Variants in SCN8A observed in about 807,000 individuals in gnomAD.
SCN8A encodes sodium channel protein type 8 subunit alpha.
In SCN8A, 30 loss-of-function variants were observed where a neutral mutation model predicts 184.1. The ratio of observed to expected loss-of-function variants is 0.16; its 90% CI spans 0.12 to 0.22. The LOEUF (loss-of-function observed/expected upper bound fraction) is 0.22. Ranked by LOEUF, SCN8A falls within the 10% of genes least tolerant of loss-of-function variation. The probability of loss-of-function intolerance (pLI) is 1.00; values close to 1 mark genes in which losing one functional copy is unlikely to be tolerated. For synonymous variants in SCN8A, 852 were observed against 907.0 expected, an observed-to-expected ratio of 0.94 and a Z score of 1.09; for missense variants, 1,057 against 2,498.9, an observed-to-expected ratio of 0.42 and a Z score of 12.30.
At position 51,663,054 on chromosome 12, in the gene SCN8A, T is replaced by C; in HGVS notation, c.237T>C (p.Val79=). The C allele has an allele frequency of 6.2e-7, 1 of 1,614,006 alleles. No homozygotes were observed. Among genetic ancestry groups the C allele is most frequent in the Non-Finnish European group, 8.5e-7 (1 of 1,179,878 alleles). Residue 79 remains valine (V), a synonymous_variant, in exon 2 of 27, where the codon GTT becomes GTC. Transcript: ENST00000627620. ...YGDIPQGLVA[V]PLEDFDPYYL... is the part of the protein sequence containing the mutation. ...ACATCCCCCAAGGCCTGGTTGCAGTTCCCCTGGAGGACTTTGACCCATACT... is the reference window on the plus strand; with the variant it reads ...ACATCCCCCAAGGCCTGGTTGCAGTCCCCCTGGAGGACTTTGACCCATACT...
intron 1 of SCN8A, among the ~76,000 whole-genome samples, chr12:51,602,924 A>G (rs1361587924): frequency 1.3e-5 from 2 of 152,212 alleles, no homozygotes; most frequent in East Asian, 1.9e-4. Flanking sequence ...TGAATGGCAA[A>G]TATTATTTTC....
intron 7 of SCN8A, among the ~76,000 whole-genome samples, chr12:51,700,318 G>A (rs989113589): frequency 5.3e-5 from 8 of 152,004 alleles, no homozygotes; most frequent in African/African-American, 1.7e-4. Flanking sequence ...TCCCTTTTTC[G>A]CATGTACCCC....
chr12:51,606,617 C>T (rs541650911), intron 1 of SCN8A, among the ~76,000 whole-genome samples: 148 of 151,904 alleles, frequency 9.7e-4, no homozygotes, highest in Non-Finnish European at 1.6e-3. Flanking sequence ...TTTCTAATTC[C>T]GAGAAGAGTG....
rs995330963 is a variant in SCN8A, at chr12:51,812,622, C to CA, written c.*5194dup. 6.6e-6 allele frequency: 1 copy of CA among 152,220 alleles called. No individual in the cohort carries two copies. Among genetic ancestry groups the CA allele is most frequent in the East Asian group, 1.9e-4 (1 of 5,194 alleles). 9.4% of individuals were successfully genotyped at this position (152,220 alleles called of 1,614,324 possible). A position where few individuals can be genotyped will look rare whatever the true frequency, so the allele number is the denominator to read the frequency against. ...CAGGTCGAGAAAATGTCTTTCCTTT[C>CA]ACTTGCTTCTGGGGTTTGTGATTAT... is the stretch of plus-strand genomic sequence containing the variant. On this transcript the variant is annotated 3_prime_UTR_variant, in exon 27 of 27. Transcript: ENST00000627620.
chr12:51,674,000 G>A (rs1442273054), intron 2 of SCN8A, among the ~76,000 whole-genome samples: 1 of 152,146 alleles, frequency 6.6e-6, no homozygotes, highest in Non-Finnish European at 1.5e-5. Flanking sequence ...GAGTAGTTCA[G>A]GTGTGAGGAA....
chr12:51,681,029 A>G (rs1337723789), intron 2 of SCN8A, among the ~76,000 whole-genome samples: 1 of 152,096 alleles, frequency 6.6e-6, no homozygotes, highest in Admixed American at 6.5e-5. Flanking sequence ...AATAATAAAT[A>G]AAAAATAAAA....
At position 51,774,349 on chromosome 12, in the gene SCN8A, T is replaced by C; in HGVS notation, c.3806T>C (p.Phe1269Ser). The C allele has an allele frequency of 6.2e-7, 1 of 1,610,702 alleles. No individual in the cohort carries two copies. The highest frequency in any genetic ancestry group is 8.5e-7 in the Non-Finnish European group (1 of 1,177,990). The change falls in exon 20 of 27, where the codon TTC (phenylalanine) becomes TCC (serine). Residue 1269 changes from phenylalanine (F) to serine (S), a missense_variant. Coordinates refer to ENST00000627620, the MANE Select transcript of SCN8A (RefSeq NM_001330260.2). The part of the protein sequence containing the change: ...FFTNAWCWLD[F>S]LIVAVSLVSL... ...ACCAATGCCTGGTGTTGGCTGGACTTCCTCATTGTGGCTGTAGGTGTCTTG... is the reference window on the plus strand; with the variant it reads ...ACCAATGCCTGGTGTTGGCTGGACTCCCTCATTGTGGCTGTAGGTGTCTTG...
rs1238386800 is a variant in SCN8A, at chr12:51,810,432, G to A, written c.*3003G>A. The A allele has an allele frequency of 2.2e-6, 1 of 452,986 alleles. No homozygotes were observed. Among genetic ancestry groups the A allele is most frequent in the Non-Finnish European group, 4.4e-6 (1 of 225,784 alleles). 28.1% of individuals were successfully genotyped at this position (452,986 alleles called of 1,614,324 possible). On this transcript the variant is annotated 3_prime_UTR_variant, in exon 27 of 27. Coordinates refer to ENST00000627620, the MANE Select transcript of SCN8A (RefSeq NM_001330260.2). ...TGAAAGAATCAGTGATGACGTTTTT[G>A]TGCATCTTCGCTGAGTGGGTAAGTG...
intron 19 of SCN8A, among the ~76,000 whole-genome samples, chr12:51,772,760 C>T (rs1355005990): frequency 6.7e-6 from 1 of 149,210 alleles, no homozygotes; most frequent in African/African-American, 2.5e-5. Context: ...GCGGGCGAAT[C>T]ACGAAGTCAG....
intron 19 of SCN8A, among the ~76,000 whole-genome samples, chr12:51,773,351 A>G (rs181731623): frequency 1.3e-5 from 2 of 152,322 alleles, no homozygotes; most frequent in East Asian, 3.9e-4. Flanking sequence ...GAATGCTCAC[A>G]CCACCATATA....
chr12:51,667,048 T>C (rs1479229005), intron 2 of SCN8A, among the ~76,000 whole-genome samples: 1 of 152,230 alleles, frequency 6.6e-6, no homozygotes, highest in African/African-American at 2.4e-5. Context: ...AGCTGTTTGC[T>C]ACAAATAATT....
intron 20 of SCN8A, chr12:51,780,420 C>T: frequency 2.4e-6 from 1 of 413,520 alleles, no homozygotes; most frequent in Admixed American, 4.0e-5. Flanking sequence ...TTTTCTTCTG[C>T]CTCTCAACCA....
chr12:51,780,850 A>C (rs1937896363), intron 21 of SCN8A, 79 bp downstream of exon 21: 1 of 1,375,160 alleles, frequency 7.3e-7, no homozygotes, highest in African/African-American at 1.5e-5. Context: ...CACATGGTGG[A>C]AAGATCATTC....
intron 13 of SCN8A, among the ~76,000 whole-genome samples, chr12:51,748,567 G>A (rs1942549174): frequency 6.6e-6 from 1 of 152,160 alleles, no homozygotes. Flanking sequence ...GGTGAAGTAA[G>A]AAAGAGGAAG....
At chr12:51,750,453 AAGGAGACAGG>A (rs1329169343) in intron 13 of SCN8A, among the ~76,000 whole-genome samples, 2 of 152,316 alleles carry the variant, frequency 1.3e-5, no homozygotes, top group East Asian at 1.9e-4. Flanking sequence ...GGCAAGAAAG[AAGGAGACAGG>A]AGGAGACAGA....
chr12:51,749,943 T>TA (rs1942571509), intron 13 of SCN8A, among the ~76,000 whole-genome samples: 1 of 152,202 alleles, frequency 6.6e-6, no homozygotes, highest in Non-Finnish European at 1.5e-5. Context: ...GTTCACCTCT[T>TA]AAAAAGCATC....
At chr12:51,761,972 G>T (rs1942769275) in intron 14 of SCN8A, among the ~76,000 whole-genome samples, 1 of 151,886 alleles carries the variant, frequency 6.6e-6, no homozygotes, top group African/African-American at 2.4e-5. Context: ...GAAAATGATA[G>T]TTGTATGCAA....
chr12:51,769,006 G>A lies in SCN8A; in HGVS notation c.3043G>A (p.Val1015Met), dbSNP rs1942880228. Residue 1015 changes from valine (V) to methionine (M), a missense_variant, in exon 17 of 27, where the codon GTG becomes ATG. Transcript: ENST00000627620. ...GGGTGTGGCCTGGACCAAACTAAAG[G>A]TGCACGCCTTCATGCAGGCCCACTT... ...KKGVAWTKLK[V>M]HAFMQAHFKQ... 1 of 1,613,866 alleles carries A rather than the reference G, an allele frequency of 6.2e-7. No homozygotes were observed. The highest frequency in any genetic ancestry group is 1.7e-5 in the Admixed American group (1 of 59,998).
In SCN8A at chr12:51,721,743, G is replaced by GAGCAGCTAC; in HGVS notation, c.1837_1845dup (p.Ser613_Ser615dup). ...TCCCCATCCGGGCCCGCGAGCGCCG[G>GAGCAGCTAC]AGCAGCTACAGCGGCTACAGCGGCT... On this transcript the variant is annotated inframe_insertion, in exon 12 of 27. Transcript: ENST00000627620. 1 of 1,607,238 alleles carries GAGCAGCTAC rather than the reference G, an allele frequency of 6.2e-7. No homozygotes were observed. Among genetic ancestry groups the GAGCAGCTAC allele is most frequent in the Non-Finnish European group, 8.5e-7 (1 of 1,177,002 alleles).
Sources: gnomAD v4.1 joint callset for allele counts (sites outside exome capture counted in the v4.1 genomes callset) on GRCh38, gnomAD v4.1.1 for gene constraint, MANE v1.5 for transcripts, NCBI Gene and HGNC (gene_info 2026-07-23, HGNC 2026-07-21) for gene names.